Variants in GRIA1 observed in about 807,000 individuals in gnomAD.
GRIA1 encodes the protein glutamate ionotropic receptor AMPA type subunit 1.
A neutral mutation model predicts 99.2 loss-of-function variants in GRIA1; 31 were observed. The ratio of observed to expected loss-of-function variants is 0.31; its 90% CI spans 0.23 to 0.42. The LOEUF (loss-of-function observed/expected upper bound fraction) is 0.42. Among genes scored for constraint, GRIA1 ranks in the 10% least tolerant of loss-of-function variants. GRIA1 has a pLI of 1.00. For missense variants in GRIA1, 782 were observed against 1,157.5 expected, an observed-to-expected ratio of 0.68 and a Z score of 4.71; for synonymous variants, 438 against 432.4, an observed-to-expected ratio of 1.01 and a Z score of -0.16.
intron 14 of GRIA1, among the ~76,000 whole-genome samples, chr5:153,796,859 C>A (rs1581672429): frequency 6.9e-6 from 1 of 145,098 alleles, no homozygotes; most frequent in African/African-American, 2.5e-5. Flanking sequence ...TCCATCCATT[C>A]TGGATGTACT....
chr5:153,523,016 A>ATATCTCTCTC (rs138535593), intron 2 of GRIA1, among the ~76,000 whole-genome samples: 12 of 141,556 alleles, frequency 8.5e-5, no homozygotes, highest in African/African-American at 2.9e-4. Flanking sequence ...TGTTCCTGAT[A>ATATCTCTCTC]TCTCTCTCTC....
chr5:153,617,420 T>C (rs1766606888), intron 2 of GRIA1, among the ~76,000 whole-genome samples: 1 of 152,236 alleles, frequency 6.6e-6, no homozygotes. Context: ...TGGCTTTTAA[T>C]TCTTTTTGGG....
chr5:153,584,198 G>A (rs1763278560), intron 2 of GRIA1, among the ~76,000 whole-genome samples: 1 of 152,178 alleles, frequency 6.6e-6, no homozygotes, highest in Non-Finnish European at 1.5e-5. Context: ...GTGGCGGATG[G>A]CTGGTACTAT....
intron 2 of GRIA1, among the ~76,000 whole-genome samples, chr5:153,591,222 A>G (rs1414327193): frequency 1.3e-5 from 2 of 152,152 alleles, no homozygotes; most frequent in African/African-American, 4.8e-5. Context: ...TATACCAGGA[A>G]TTTCTTCCTG....
intron 2 of GRIA1, among the ~76,000 whole-genome samples, chr5:153,509,149 T>C (rs1755816612): frequency 6.6e-6 from 1 of 152,192 alleles, no homozygotes. Flanking sequence ...CATAGATGTG[T>C]AATTTTATAA....
At position 153,809,897 on chromosome 5, in the gene GRIA1, A is replaced by G. The variant is rs375857568; in HGVS notation, c.2521-1128A>G. On this transcript the variant is annotated intron_variant, in intron 15 of 15. Transcript: ENST00000285900. ...ACAGTGAGAACAGAACGCACCTTGA[A>G]GAAGAGGTAGGGTTGGTCCCATTGA... Among the ~76,000 whole-genome samples the G allele has an allele frequency of 2.6e-5, 4 of 152,348 alleles. No individual in the cohort carries two copies. In the East Asian group the frequency reaches 7.7e-4, roughly 29 times the overall value.
chr5:153,522,892 A>G (rs182973838), intron 2 of GRIA1, among the ~76,000 whole-genome samples: 9 of 152,324 alleles, frequency 5.9e-5, no homozygotes, highest in Non-Finnish European at 1.2e-4. Context: ...ATTATCAAAA[A>G]TAGGGCCTAG....
intron 2 of GRIA1, among the ~76,000 whole-genome samples, chr5:153,535,002 AC>A (rs1235167444): frequency 6.6e-6 from 1 of 151,894 alleles, no homozygotes; most frequent in African/African-American, 2.4e-5. Flanking sequence ...GTTCATTATA[AC>A]TTTTACCTCC....
chr5:153,722,894 G>A (rs1007707125), intron 11 of GRIA1, among the ~76,000 whole-genome samples: 2 of 152,120 alleles, frequency 1.3e-5, no homozygotes, highest in Admixed American at 1.3e-4. Context: ...GGGTCTGGAA[G>A]AAATCAATAA....
rs116663712 is a variant in GRIA1 at position 153,737,144 on chromosome 5, A to G, written c.1824-27290A>G. Reference sequence around the variant, plus strand: ...GAATGTGGTGATATGAAGTAAATGCATAATGTATTATCTTATCATAGTAAT... The same window carrying G: ...GAATGTGGTGATATGAAGTAAATGCGTAATGTATTATCTTATCATAGTAAT... On this transcript the variant is annotated intron_variant, in intron 11 of 15. Coordinates refer to ENST00000285900, the MANE Select transcript of GRIA1 (RefSeq NM_000827.4). 8.5e-3 allele frequency among the ~76,000 whole-genome samples: 1,292 copies of G among 152,244 alleles called. 8 individuals carry two copies. Among genetic ancestry groups the G allele is most frequent in the South Asian group, 0.014 (66 of 4,802 alleles).
At chr5:153,527,456 G>A (rs1214028902) in intron 2 of GRIA1, among the ~76,000 whole-genome samples, 1 of 152,192 alleles carries the variant, frequency 6.6e-6, no homozygotes, top group Non-Finnish European at 1.5e-5. Context: ...TTAATTTTAG[G>A]TGTACACTTG....
chr5:153,492,125 C>T, intron 1 of GRIA1: 1 of 1,414,522 alleles, frequency 7.1e-7, no homozygotes, highest in Non-Finnish European at 9.3e-7. Context: ...GTTCGCATTG[C>T]TGGGAGTTTG....
rs532942206 is a variant in GRIA1 at position 153,552,596 on chromosome 5, G to A, written c.220+58531G>A. Among the ~76,000 whole-genome samples the A allele has an allele frequency of 2.0e-5, 3 of 152,062 alleles. No individual in the cohort carries two copies. In the East Asian group the frequency reaches 5.8e-4, roughly 29 times the overall value. On this transcript the variant is annotated intron_variant, in intron 2 of 15. Coordinates refer to ENST00000285900, the MANE Select transcript of GRIA1 (RefSeq NM_000827.4). The stretch of plus-strand genomic sequence containing the variant: ...TCTCTGGGGAGGACCAAGCTGTCAG[G>A]ATTTTTTTTTTTAATTCCCCAGATG...
intron 8 of GRIA1, 132 bp from the exon 9 acceptor site, chr5:153,697,912 T>G: frequency 2.0e-6 from 1 of 509,472 alleles, no homozygotes; most frequent in Non-Finnish European, 3.6e-6. Context: ...TACCAATATT[T>G]TAGAGCTCGG....
intron 2 of GRIA1, among the ~76,000 whole-genome samples, chr5:153,634,307 G>A (rs1753191467): frequency 7.0e-6 from 1 of 143,000 alleles, no homozygotes; most frequent in East Asian, 2.0e-4. Context: ...AACAGAGTGA[G>A]ACTCCATCTC....
chr5:153,584,135 T>C (rs1763271425), intron 2 of GRIA1, among the ~76,000 whole-genome samples: 1 of 152,182 alleles, frequency 6.6e-6, no homozygotes, highest in Admixed American at 6.5e-5. Context: ...CCAGCAGTCA[T>C]GGACAGGCAC....
intron 2 of GRIA1, among the ~76,000 whole-genome samples, chr5:153,504,698 G>A (rs1338397451): frequency 1.3e-5 from 2 of 152,108 alleles, no homozygotes; most frequent in Non-Finnish European, 2.9e-5. Context: ...GTCCAGCCAC[G>A]AGCAAACCTG....
chr5:153,742,004 CTGTT>C (rs1761837011), intron 11 of GRIA1, among the ~76,000 whole-genome samples: 1 of 151,176 alleles, frequency 6.6e-6, no homozygotes. Flanking sequence ...GATTTGCAGG[CTGTT>C]TGTTATCACT....
At chr5:153,720,166 A>G (rs1443895461) in intron 11 of GRIA1, among the ~76,000 whole-genome samples, 1 of 152,262 alleles carries the variant, frequency 6.6e-6, no homozygotes, top group Non-Finnish European at 1.5e-5. Flanking sequence ...AGGTTGAAGA[A>G]GTTCACATAG....
Sources: allele counts gnomAD v4.1 joint callset (sites outside exome capture counted in the v4.1 genomes callset), GRCh38; gene constraint gnomAD v4.1.1; transcripts MANE v1.5; gene names NCBI Gene and HGNC (gene_info 2026-07-23, HGNC 2026-07-21).